MYO16: variants seen among roughly 807,000 people sequenced by gnomAD.
MYO16 encodes myosin XVI.
MYO16 carries 94 observed loss-of-function variants against 205.3 expected under a neutral mutation model. The observed-to-expected ratio is 0.46, with a 90% CI of 0.39 to 0.54. The LOEUF (loss-of-function observed/expected upper bound fraction) is 0.54, where lower values mean the gene tolerates loss of function less well. Among genes scored for constraint, MYO16 ranks in the 20% least tolerant of loss-of-function variants. MYO16 has a pLI of 0.00. For missense variants in MYO16, 2,315 were observed against 2,387.5 expected (o/e 0.97, Z 0.63); for synonymous variants, 988 against 954.0 (o/e 1.04, Z -0.66).
chr13:108,557,033 A>T, the MYO16 span, among the ~76,000 whole-genome samples: 2 of 152,162 alleles, frequency 1.3e-5, no homozygotes, highest in Non-Finnish European at 2.9e-5. Flanking sequence ...TAATTACCAT[A>T]GCCGCCTATT....
rs188370346 is a variant in MYO16, at chr13:109,111,436, C to T, written c.3439-8934C>T. 1.6e-3 allele frequency among the ~76,000 whole-genome samples: 241 copies of T among 152,300 alleles called. 1 individual carries two copies. The highest frequency in any genetic ancestry group is 2.7e-3 in the Non-Finnish European group (184 of 68,022). ...CTGGGCACTTTAAAAAATACTAGGG[C>T]ATTTTTCCAGAATACTGATATGTGA... On this transcript the variant is annotated intron_variant, in intron 28 of 34. Coordinates refer to ENST00000457511, the MANE Select transcript of MYO16 (RefSeq NM_001198950.3).
intron 16 of MYO16, among the ~76,000 whole-genome samples, chr13:108,920,900 A>G (rs954762190): frequency 6.6e-6 from 1 of 152,230 alleles, no homozygotes; most frequent in Non-Finnish European, 1.5e-5. Flanking sequence ...AGTGATTGTG[A>G]TGTGGCTGGT....
chr13:109,068,543 C>T (rs1887824633), intron 27 of MYO16, among the ~76,000 whole-genome samples: 1 of 151,986 alleles, frequency 6.6e-6, no homozygotes, highest in Non-Finnish European at 1.5e-5. Flanking sequence ...CATGAGCACA[C>T]CACTTCTTCA....
chr13:108,670,158 T>A (rs1040731925), intron 2 of MYO16, among the ~76,000 whole-genome samples: 1 of 152,084 alleles, frequency 6.6e-6, no homozygotes, highest in Non-Finnish European at 1.5e-5. Flanking sequence ...GAGAAGGCAA[T>A]TGATGGAGCA....
intron 9 of MYO16, among the ~76,000 whole-genome samples, chr13:108,834,004 C>T (rs380588): frequency 6.6e-6 from 1 of 151,806 alleles, no homozygotes; most frequent in South Asian, 2.1e-4. Flanking sequence ...ATCAGAATAA[C>T]AATTTCTTGT....
chr13:109,078,399 C>T (rs1342365399), intron 27 of MYO16, among the ~76,000 whole-genome samples: 1 of 151,966 alleles, frequency 6.6e-6, no homozygotes, highest in Non-Finnish European at 1.5e-5. Context: ...AGATCTCATG[C>T]CACTGTGCTC....
intron 16 of MYO16, among the ~76,000 whole-genome samples, chr13:108,950,296 C>G (rs2139337613): frequency 6.6e-6 from 1 of 152,162 alleles, no homozygotes; most frequent in Middle Eastern, 3.4e-3. Context: ...CAACAAAGGA[C>G]TAATATTTAG....
chr13:108,781,464 C>T (rs1361865726), intron 4 of MYO16, among the ~76,000 whole-genome samples: 3 of 152,204 alleles, frequency 2.0e-5, no homozygotes, highest in Non-Finnish European at 1.5e-5. Context: ...ACAGTTTGCT[C>T]TGTCTCAGCT....
intron 27 of MYO16, among the ~76,000 whole-genome samples, chr13:109,062,232 T>C (rs1316080147): frequency 6.6e-6 from 1 of 152,228 alleles, no homozygotes; most frequent in East Asian, 1.9e-4. Context: ...GTATAATTTT[T>C]ATATGTATGC....
At chr13:108,786,061 A>C (rs1886448819) in intron 5 of MYO16, among the ~76,000 whole-genome samples, 1 of 152,228 alleles carries the variant, frequency 6.6e-6, no homozygotes, top group South Asian at 2.1e-4. Context: ...GGGGAAGGGA[A>C]GTCAACCAAC....
chr13:109,206,918 C>A lies in MYO16; in HGVS notation c.*82C>A. The A allele has an allele frequency of 8.0e-7, 1 of 1,242,368 alleles. No homozygotes were observed. Among genetic ancestry groups the A allele is most frequent in the Non-Finnish European group, 1.1e-6 (1 of 879,542 alleles). 77.0% of individuals were successfully genotyped at this position (1,242,368 alleles called of 1,614,324 possible). A position where few individuals can be genotyped will look rare whatever the true frequency, so the allele number is the denominator to read the frequency against. On this transcript the variant is annotated 3_prime_UTR_variant, in exon 35 of 35. Coordinates refer to ENST00000457511, the MANE Select transcript of MYO16 (RefSeq NM_001198950.3). ...CAACAGAAGGCTGCCTTCTGACATG[C>A]GCTGGGGCTTCTCTCCACGCATTTA...
chr13:108,850,822 G>A (rs889069965), intron 10 of MYO16, among the ~76,000 whole-genome samples: 6 of 152,144 alleles, frequency 3.9e-5, no homozygotes, highest in African/African-American at 1.2e-4. Flanking sequence ...CTGCCCCACT[G>A]TGTAACTATA....
intron 9 of MYO16, among the ~76,000 whole-genome samples, chr13:108,836,560 G>T (rs1876928397): frequency 6.6e-6 from 1 of 152,146 alleles, no homozygotes. Context: ...ACCTGGAAAA[G>T]CTGCAGACCC....
In MYO16 at chr13:109,125,377, CAA is replaced by C. The variant is rs1876201467; in HGVS notation, c.3782+20_3782+21del. 2 of 1,612,380 alleles carry C rather than the reference CAA, an allele frequency of 1.2e-6. No individual in the cohort carries two copies. Among genetic ancestry groups the C allele is most frequent in the African/African-American group, 2.7e-5 (2 of 74,842 alleles). Reference sequence around the variant, plus strand: ...GCAAAAGGTAAAGGCAGAGAGCATGCAATTTTAATTACCTTTGTGATTGGTTC... The same window carrying C: ...GCAAAAGGTAAAGGCAGAGAGCATGCTTTTAATTACCTTTGTGATTGGTTC... On this transcript the variant is annotated intron_variant, in intron 30 of 34. Coordinates refer to ENST00000457511, the MANE Select transcript of MYO16 (RefSeq NM_001198950.3). This position sits in a 1 kb window ranked among gnomAD's most constrained non-coding sequence, Gnocchi z 4.0.
At chr13:109,080,303 A>G (rs1054410453) in intron 27 of MYO16, among the ~76,000 whole-genome samples, 1 of 152,216 alleles carries the variant, frequency 6.6e-6, no homozygotes, top group Non-Finnish European at 1.5e-5. Flanking sequence ...ATATCTCTGT[A>G]CAAAAATTAA....
intron 28 of MYO16, among the ~76,000 whole-genome samples, chr13:109,114,344 T>C (rs1875564084): frequency 6.6e-6 from 1 of 152,202 alleles, no homozygotes; most frequent in Admixed American, 6.5e-5. Flanking sequence ...GCGATTAATA[T>C]GCATTTTTCA....
intron 27 of MYO16, among the ~76,000 whole-genome samples, chr13:109,065,219 G>C (rs1887707913): frequency 6.6e-6 from 1 of 152,110 alleles, no homozygotes; most frequent in Non-Finnish European, 1.5e-5. Flanking sequence ...AGCTAGGCCT[G>C]GACTTGGCAC....
intron 9 of MYO16, among the ~76,000 whole-genome samples, chr13:108,828,710 C>A (rs934491307): frequency 6.6e-6 from 1 of 152,124 alleles, no homozygotes; most frequent in South Asian, 2.1e-4. Flanking sequence ...AGGAGCAGGA[C>A]AGGCTCGAGA....
chr13:108,547,397 T>TG, the MYO16 span, among the ~76,000 whole-genome samples: 1 of 151,704 alleles, frequency 6.6e-6, no homozygotes, highest in Non-Finnish European at 1.5e-5. Flanking sequence ...TGAGGTTGGG[T>TG]GGGGGGCCCC....
Sources: gnomAD v4.1 joint callset for allele counts (sites outside exome capture counted in the v4.1 genomes callset) on GRCh38, gnomAD v4.1.1 for gene constraint, Gnocchi (gnomAD v3.1) non-coding constraint, MANE v1.5 for transcripts, NCBI Gene and HGNC (gene_info 2026-07-23, HGNC 2026-07-21) for gene names.